The following PLEKHM2 variants were observed in gnomAD, a reference collection of about 807,000 sequenced individuals.
PLEKHM2 encodes pleckstrin homology and RUN domain containing M2.
In PLEKHM2, 77 loss-of-function variants were observed where a neutral mutation model predicts 116.3. That is an observed-to-expected ratio of 0.66 (90% CI 0.55 to 0.80). PLEKHM2 has a LOEUF of 0.80. PLEKHM2 is among the 30% of genes least tolerant of loss of function. PLEKHM2 has a pLI of 0.00. For missense variants in PLEKHM2, 1,183 were observed against 1,354.9 expected, an observed-to-expected ratio of 0.87 and a Z score of 1.99; for synonymous variants, 562 against 571.0, an observed-to-expected ratio of 0.98 and a Z score of 0.22.
intron 1 of PLEKHM2, among the ~76,000 whole-genome samples, chr1:15,702,095 A>C (rs1481664231): frequency 1.3e-5 from 2 of 152,192 alleles, no homozygotes. Context: ...TCCCCTGGGG[A>C]TCTGCCTTGT....
rs199657435 is a variant in PLEKHM2, at chr1:15,684,698, G to GCGACCCTGCTGCCGCA, written c.60+80_60+81insCGACCCTGCTGCCGCA. On this transcript the variant is annotated intron_variant, in intron 1 of 19. Coordinates refer to ENST00000375799, the MANE Select transcript of PLEKHM2 (RefSeq NM_015164.4). The stretch of plus-strand genomic sequence containing the variant: ...CCTCCGGCGGCGCTCTCCCGGGCCG[G>GCGACCCTGCTGCCGCA]GGCCCCCCGCCCTTCCCCTCCGCGA... 5.6e-4 allele frequency: 380 copies of GCGACCCTGCTGCCGCA among 682,266 alleles called. 2 individuals are homozygous for GCGACCCTGCTGCCGCA. Among genetic ancestry groups the GCGACCCTGCTGCCGCA allele is most frequent in the Non-Finnish European group, 6.3e-4 (347 of 547,578 alleles). The allele number at this position is 682,266 out of a possible 1,614,324, so 42.3% of individuals were successfully genotyped here.
intron 14 of PLEKHM2, among the ~76,000 whole-genome samples, 151 bp downstream of exon 14, chr1:15,730,080 CT>C: frequency 6.7e-6 from 1 of 149,046 alleles, no homozygotes; most frequent in African/African-American, 2.5e-5. Flanking sequence ...CGGGGCGGGG[CT>C]TTCCCACCCT....
chr1:15,707,296 G>A (rs1375391749), intron 1 of PLEKHM2, among the ~76,000 whole-genome samples: 2 of 151,888 alleles, frequency 1.3e-5, no homozygotes, highest in Non-Finnish European at 2.9e-5. Context: ...AGCCAGGTGT[G>A]GTGGTACATA....
intron 1 of PLEKHM2, among the ~76,000 whole-genome samples, chr1:15,698,046 C>T (rs1449429436): frequency 2.6e-5 from 4 of 151,082 alleles, no homozygotes; most frequent in Non-Finnish European, 5.9e-5. Context: ...CGATGCAGTC[C>T]CATGGTGGAT....
chr1:15,732,101 C>T lies in PLEKHM2; in HGVS notation c.2625+53C>T, dbSNP rs1054513513. On this transcript the variant is annotated intron_variant, in intron 17 of 19. Coordinates refer to ENST00000375799, the MANE Select transcript of PLEKHM2 (RefSeq NM_015164.4). ...CCTGGCTTGCCTGACCCACCCAGACCCCCAGGGTCCCATCCCTAAACCCAT... is the reference window on the plus strand; with the variant it reads ...CCTGGCTTGCCTGACCCACCCAGACTCCCAGGGTCCCATCCCTAAACCCAT... 3.3e-6 allele frequency: 5 copies of T among 1,523,284 alleles called. No individual in the cohort carries two copies. The African/African-American group carries it at 6.8e-5, about 21-fold the overall frequency. The allele number at this position is 1,523,284 out of a possible 1,614,324, so 94.4% of individuals were successfully genotyped here. A position where few individuals can be genotyped will look rare whatever the true frequency, so the allele number is the denominator to read the frequency against.
intron 1 of PLEKHM2, among the ~76,000 whole-genome samples, chr1:15,688,421 G>A (rs933148493): frequency 6.6e-6 from 1 of 152,188 alleles, no homozygotes; most frequent in Middle Eastern, 3.2e-3. Flanking sequence ...GGAGGCCAAG[G>A]TGGATGGATA....
chr1:15,714,348 T>TAAAAAA (rs764341573), intron 1 of PLEKHM2, among the ~76,000 whole-genome samples: 5 of 110,230 alleles, frequency 4.5e-5, no homozygotes, highest in African/African-American at 6.5e-5. Flanking sequence ...ATTTTGAAAT[T>TAAAAAA]AAAAAAAAAA....
At position 15,732,069 on chromosome 1, in the gene PLEKHM2, C is replaced by T. The variant is rs765209980; in HGVS notation, c.2625+21C>T. ...AAGGGGTGAGCTTCGCCTGCCCCTA[C>T]CGCTCACCTGGCTTGCCTGACCCAC... On this transcript the variant is annotated intron_variant, in intron 17 of 19. Transcript: ENST00000375799. 4 of 1,603,236 alleles carry T rather than the reference C, an allele frequency of 2.5e-6. No homozygotes were observed. In the African/African-American group the frequency reaches 5.4e-5, roughly 21 times the overall value.
At chr1:15,716,195 C>G in intron 1 of PLEKHM2, 42 bp from the exon 2 acceptor site, 1 of 1,240,042 alleles carries the variant, frequency 8.1e-7, no homozygotes. Flanking sequence ...TAGCCTTCCT[C>G]TTAATCCATT....
intron 1 of PLEKHM2, among the ~76,000 whole-genome samples, chr1:15,687,176 G>C (rs953196597): frequency 2.0e-5 from 3 of 151,182 alleles, no homozygotes; most frequent in African/African-American, 7.3e-5. Context: ...TTTGTTTTTT[G>C]TTTTTTTTGA....
chr1:15,728,655 G>T lies in PLEKHM2; in HGVS notation c.1922-14G>T. The T allele has an allele frequency of 2.5e-6, 4 of 1,604,300 alleles. No homozygotes were observed. The highest frequency in any genetic ancestry group is 1.1e-5 in the South Asian group (1 of 89,294). On this transcript the variant is annotated splice_polypyrimidine_tract_variant and intron_variant, in intron 11 of 19. Transcript: ENST00000375799. This position sits in a 1 kb window ranked among gnomAD's most constrained non-coding sequence, Gnocchi z 5.9. ...GCCTGTGGGGATAATAGGCCTTGGG[G>T]TTTCCTCTCTCAGGGGCCACAGAGA...
chr1:15,705,038 C>G (rs980621356), intron 1 of PLEKHM2, among the ~76,000 whole-genome samples: 1 of 152,060 alleles, frequency 6.6e-6, no homozygotes. Context: ...TCTAACGCAG[C>G]CCTGGCGGCT....
chr1:15,724,186 A>G lies in PLEKHM2; in HGVS notation c.713-1131A>G, dbSNP rs536623054. Reference sequence around the variant, plus strand: ...GGACCAGTCAGTGAGCTGACACTTGAATGAAATGGAGTTCTCGGCCGGGCA... The same window carrying G: ...GGACCAGTCAGTGAGCTGACACTTGGATGAAATGGAGTTCTCGGCCGGGCA... On this transcript the variant is annotated intron_variant, in intron 7 of 19. Coordinates refer to ENST00000375799, the MANE Select transcript of PLEKHM2 (RefSeq NM_015164.4). Among the ~76,000 whole-genome samples, 157 of 152,264 alleles carry G rather than the reference A, an allele frequency of 1.0e-3. 2 individuals carry two copies. The highest frequency in any genetic ancestry group is 3.6e-3 in the African/African-American group (148 of 41,548).
At chr1:15,705,219 A>C (rs2148345731) in intron 1 of PLEKHM2, among the ~76,000 whole-genome samples, 2 of 121,800 alleles carry the variant, frequency 1.6e-5, no homozygotes, top group South Asian at 4.9e-4. Flanking sequence ...TCACTCTATC[A>C]CCTAGTTGGA....
intron 1 of PLEKHM2, among the ~76,000 whole-genome samples, chr1:15,703,617 C>T (rs888229237): frequency 2.0e-5 from 3 of 152,182 alleles, no homozygotes; most frequent in African/African-American, 7.2e-5. Flanking sequence ...AGGATTTCTT[C>T]GTATCAACCA....
Position 15,728,471 on chromosome 1 carries a change from G to A in PLEKHM2, c.1921+114G>A. ...CCCGGCTGCCTGGCATGCAGTGATGGAAAGGCACCCCAAGGAAGGTGTTGC... is the reference window on the plus strand; with the variant it reads ...CCCGGCTGCCTGGCATGCAGTGATGAAAAGGCACCCCAAGGAAGGTGTTGC... On this transcript the variant is annotated intron_variant, in intron 11 of 19. Transcript: ENST00000375799. This position sits in a 1 kb window ranked among gnomAD's most constrained non-coding sequence, Gnocchi z 5.9. 9.3e-7 allele frequency: 1 copy of A among 1,070,312 alleles called. No individual in the cohort carries two copies. Among genetic ancestry groups the A allele is most frequent in the Non-Finnish European group, 1.4e-6 (1 of 732,298 alleles). The allele number at this position is 1,070,312 out of a possible 1,614,324, so 66.3% of individuals were successfully genotyped here. A position where few individuals can be genotyped will look rare whatever the true frequency, so the allele number is the denominator to read the frequency against.
chr1:15,693,432 GTCCTTTCCA>G (rs946065007), intron 1 of PLEKHM2, among the ~76,000 whole-genome samples: 7 of 152,204 alleles, frequency 4.6e-5, no homozygotes, highest in Non-Finnish European at 1.0e-4. Flanking sequence ...ACACTGTGTG[GTCCTTTCCA>G]TCCCATCACA....
rs2068073128 is a variant in PLEKHM2, at chr1:15,727,121, AC to A, written c.1050del (p.Asp350GlufsTer45). ...CSQKKCAKQGDGDSRNGSPSL... is the reference protein window; with the variant it reads ...CSQKKCAKQGXGDSRNGSPSL... ...CAGAAGAAATGTGCCAAGCAGGGGGACGGTGACAGCCGCAACGGCAGCCCAA... is the reference window on the plus strand; with the variant it reads ...CAGAAGAAATGTGCCAAGCAGGGGGAGGTGACAGCCGCAACGGCAGCCCAA... On this transcript the variant is annotated frameshift_variant, in exon 9 of 20. Transcript: ENST00000375799. LOFTEE classifies it high-confidence loss of function. This position sits in a 1 kb window ranked among gnomAD's most constrained non-coding sequence, Gnocchi z 7.5. 6.3e-7 allele frequency: 1 copy of A among 1,583,606 alleles called. No homozygotes were observed. The highest frequency in any genetic ancestry group is 8.6e-7 in the Non-Finnish European group (1 of 1,164,116).
intron 1 of PLEKHM2, among the ~76,000 whole-genome samples, chr1:15,686,508 T>C (rs1640771593): frequency 6.6e-6 from 1 of 152,058 alleles, no homozygotes; most frequent in Non-Finnish European, 1.5e-5. Context: ...TGAGACAGAG[T>C]CTTGCTCTGT....
Sources: gnomAD v4.1 joint callset for allele counts (sites outside exome capture counted in the v4.1 genomes callset) on GRCh38, gnomAD v4.1.1 for gene constraint, Gnocchi (gnomAD v3.1) non-coding constraint, MANE v1.5 for transcripts, NCBI Gene and HGNC (gene_info 2026-07-23, HGNC 2026-07-21) for gene names.